The following NFKB1 variants were observed in gnomAD, a reference collection of about 807,000 sequenced individuals.
NFKB1 encodes nuclear factor kappa B subunit 1.
A neutral mutation model predicts 105.1 loss-of-function variants in NFKB1; 9 were observed. The ratio of observed to expected loss-of-function variants is 0.09; its 90% CI spans 0.05 to 0.15. NFKB1 has a LOEUF of 0.15. Ranked by LOEUF, NFKB1 falls within the 10% of genes least tolerant of loss-of-function variation. NFKB1 has a pLI of 1.00. For missense variants in NFKB1, 830 were observed against 1,203.7 expected (o/e 0.69, Z 4.59); for synonymous variants, 440 against 442.2 (o/e 1.00, Z 0.06).
At chr4:102,571,588 A>C (rs1225915080) in intron 6 of NFKB1, among the ~76,000 whole-genome samples, 3 of 152,260 alleles carry the variant, frequency 2.0e-5, no homozygotes, top group Non-Finnish European at 4.4e-5. Context: ...TATCCATCTG[A>C]CAAAGGGCTA....
intron 5 of NFKB1, among the ~76,000 whole-genome samples, chr4:102,553,556 T>C (rs1333286079): frequency 6.6e-6 from 1 of 152,164 alleles, no homozygotes; most frequent in East Asian, 1.9e-4. Flanking sequence ...TTTGATCATA[T>C]CTAATGTGTT....
In NFKB1 at chr4:102,616,301, C is replaced by CT; in HGVS notation, c.2750-133_2750-132insT. The CT allele has an allele frequency of 4.5e-6, 4 of 896,454 alleles. No homozygotes were observed. In the South Asian group the frequency reaches 6.3e-5, roughly 14 times the overall value. The allele number at this position is 896,454 out of a possible 1,614,324, so 55.5% of individuals were successfully genotyped here. ...TGCCCTTCCCACCACGGTGAGCAGT[C>CT]ATGACAGTGAGGGTGGCATAGGTGG... On this transcript the variant is annotated intron_variant, in intron 23 of 23. Coordinates refer to ENST00000226574, the MANE Select transcript of NFKB1 (RefSeq NM_003998.4).
At chr4:102,560,067 T>G (rs1311056715) in intron 5 of NFKB1, among the ~76,000 whole-genome samples, 3 of 152,150 alleles carry the variant, frequency 2.0e-5, no homozygotes, top group Non-Finnish European at 4.4e-5. Flanking sequence ...TACATGAACA[T>G]TTATAAGACA....
intron 16 of NFKB1, 138 bp from the exon 17 acceptor site, chr4:102,606,358 C>T: frequency 1.3e-6 from 1 of 796,142 alleles, no homozygotes; most frequent in Non-Finnish European, 2.1e-6. Context: ...ACTTGGGTGC[C>T]AAGGTCAGAA....
intron 1 of NFKB1, 86 bp downstream of exon 1, chr4:102,501,874 C>T (rs2149088794): frequency 6.5e-6 from 1 of 152,798 alleles, no homozygotes; most frequent in South Asian, 2.1e-4. Flanking sequence ...CCCTCCAGCC[C>T]CACTCGGACT....
At chr4:102,584,543 G>A (rs1378899548) in intron 10 of NFKB1, 139 bp from the exon 11 acceptor site, 1 of 729,898 alleles carries the variant, frequency 1.4e-6, no homozygotes, top group Non-Finnish European at 2.0e-6. Context: ...CTTTCTCCAG[G>A]ACACGGTGTT....
At chr4:102,611,917 A>G (rs1239004363) in intron 20 of NFKB1, 127 bp from the exon 21 acceptor site, 5 of 693,898 alleles carry the variant, frequency 7.2e-6, no homozygotes, top group African/African-American at 7.2e-5. Flanking sequence ...TCCTCTTGCC[A>G]TTCCTCCATC....
At chr4:102,566,467 T>C (rs973260584) in intron 5 of NFKB1, among the ~76,000 whole-genome samples, 2 of 152,182 alleles carry the variant, frequency 1.3e-5, no homozygotes, top group Non-Finnish European at 2.9e-5. Context: ...TGAGTGTTTA[T>C]AGCCAAACTT....
At chr4:102,565,146 T>C (rs1441624077) in intron 5 of NFKB1, among the ~76,000 whole-genome samples, 1 of 152,188 alleles carries the variant, frequency 6.6e-6, no homozygotes, top group Non-Finnish European at 1.5e-5. Flanking sequence ...CAGAGTTTTT[T>C]TTTTTTTAAA....
At chr4:102,599,321 T>G (rs1726929633) in intron 15 of NFKB1, among the ~76,000 whole-genome samples, 1 of 152,178 alleles carries the variant, frequency 6.6e-6, no homozygotes, top group Admixed American at 6.5e-5. Context: ...AGATCATCCG[T>G]TTTAAAATAT....
At chr4:102,511,147 T>G (rs1739755562) in intron 1 of NFKB1, among the ~76,000 whole-genome samples, 1 of 152,182 alleles carries the variant, frequency 6.6e-6, no homozygotes, top group Non-Finnish European at 1.5e-5. Flanking sequence ...TTGACAGAAA[T>G]TATATATGTT....
chr4:102,614,005 A>G (rs1158618482), intron 23 of NFKB1, among the ~76,000 whole-genome samples: 5 of 152,150 alleles, frequency 3.3e-5, no homozygotes, highest in African/African-American at 4.8e-5. Context: ...TCGCAACCAT[A>G]TGAAATGGAC....
At chr4:102,587,366 AT>A (rs1260057559) in intron 11 of NFKB1, among the ~76,000 whole-genome samples, 1 of 152,184 alleles carries the variant, frequency 6.6e-6, no homozygotes, top group South Asian at 2.1e-4. Context: ...TCTTCAAATA[AT>A]GCCAGTTTTT....
intron 12 of NFKB1, among the ~76,000 whole-genome samples, chr4:102,594,234 ACT>A (rs935074579): frequency 9.2e-5 from 14 of 152,176 alleles, no homozygotes; most frequent in African/African-American, 3.4e-4. Context: ...CATTTTAATG[ACT>A]CATTTCCTCA....
chr4:102,576,366 G>T (rs1578784286), intron 6 of NFKB1, among the ~76,000 whole-genome samples: 2 of 152,188 alleles, frequency 1.3e-5, no homozygotes, highest in African/African-American at 2.4e-5. Flanking sequence ...TTTGAATTTT[G>T]AATTTTTAAT....
intron 19 of NFKB1, among the ~76,000 whole-genome samples, chr4:102,609,495 C>T (rs950393894): frequency 7.9e-5 from 12 of 151,488 alleles, no homozygotes; most frequent in African/African-American, 2.9e-4. Context: ...ATCTGTAATC[C>T]CAGCTACTCA....
At chr4:102,616,375 T>G in intron 23 of NFKB1, 59 bp from the exon 24 acceptor site, 1 of 1,586,534 alleles carries the variant, frequency 6.3e-7, no homozygotes, top group South Asian at 1.1e-5. Context: ...CACAGAATAG[T>G]CCATGAGCTT....
At chr4:102,566,381 C>A (rs1348386391) in intron 5 of NFKB1, among the ~76,000 whole-genome samples, 1 of 152,138 alleles carries the variant, frequency 6.6e-6, no homozygotes, top group Non-Finnish European at 1.5e-5. Flanking sequence ...ATATGTAACT[C>A]AATTATCAGA....
chr4:102,572,994 A>T (rs533167470), intron 6 of NFKB1, among the ~76,000 whole-genome samples: 10 of 152,122 alleles, frequency 6.6e-5, no homozygotes, highest in Non-Finnish European at 1.0e-4. Context: ...TTTTTCAAAG[A>T]TATTTTGAAG....
Sources: gnomAD v4.1 joint callset for allele counts (sites outside exome capture counted in the v4.1 genomes callset) on GRCh38, gnomAD v4.1.1 for gene constraint, MANE v1.5 for transcripts, NCBI Gene and HGNC (gene_info 2026-07-23, HGNC 2026-07-21) for gene names.